Variants in AFF4 observed in about 807,000 individuals in gnomAD.
AFF4 encodes the protein AF4/FMR2 family member 4.
AFF4 carries 13 observed loss-of-function variants against 124.8 expected under a neutral mutation model. The observed-to-expected ratio is 0.10, with a 90% confidence interval of 0.07 to 0.17. AFF4 has a LOEUF of 0.17. AFF4 is among the 10% of genes least tolerant of loss of function. The pLI is 1.00. For missense variants in AFF4, 1,092 were observed against 1,403.8 expected (o/e 0.78, Z 3.55); for synonymous variants, 477 against 496.1 (o/e 0.96, Z 0.51).
chr5:132,891,722 T>G (rs1458354898), intron 13 of AFF4: 2 of 192,444 alleles, frequency 1.0e-5, no homozygotes, highest in Non-Finnish European at 2.1e-5. Flanking sequence ...ATACAACAAC[T>G]CAATCTTAGC....
intron 13 of AFF4, among the ~76,000 whole-genome samples, chr5:132,889,398 T>G (rs147676319): frequency 1.3e-3 from 204 of 152,192 alleles, no homozygotes; most frequent in African/African-American, 4.3e-3. Flanking sequence ...TATAAGGGTC[T>G]ACTATATGCC....
intron 7 of AFF4, among the ~76,000 whole-genome samples, chr5:132,902,237 G>A (rs1407594827): frequency 6.6e-6 from 1 of 151,920 alleles, no homozygotes; most frequent in Non-Finnish European, 1.5e-5. Flanking sequence ...TAGTAGAGAA[G>A]GGGTTTCACC....
At chr5:132,910,278 T>G (rs1009107783) in intron 5 of AFF4, among the ~76,000 whole-genome samples, 1 of 152,224 alleles carries the variant, frequency 6.6e-6, no homozygotes, top group Non-Finnish European at 1.5e-5. Flanking sequence ...ATGAATATAC[T>G]AAACCAGCTC....
Position 132,880,943 on chromosome 5 carries a change from A to T in AFF4, c.*116T>A. ...AAAAACAACAACACATGAACCAACG[A>T]GGAGAAAACTATTCCTCATTCTTAG... On this transcript the variant is annotated 3_prime_UTR_variant, in exon 21 of 21. Coordinates refer to ENST00000265343, the MANE Select transcript of AFF4 (RefSeq NM_014423.4). 7.5e-7 allele frequency: 1 copy of T among 1,341,760 alleles called. No homozygotes were observed. The highest frequency in any genetic ancestry group is 1.5e-5 in the South Asian group (1 of 65,420). 83.1% of individuals were successfully genotyped at this position (1,341,760 alleles called of 1,614,324 possible).
At chr5:132,954,544 C>CTTT (rs1761910983) in intron 1 of AFF4, among the ~76,000 whole-genome samples, 1 of 126,638 alleles carries the variant, frequency 7.9e-6, no homozygotes, top group East Asian at 2.5e-4. Context: ...ACAAACAATG[C>CTTT]TCTTTTTTTT....
intron 5 of AFF4, among the ~76,000 whole-genome samples, chr5:132,923,196 T>G (rs1286406424): frequency 6.6e-6 from 1 of 150,636 alleles, no homozygotes; most frequent in Non-Finnish European, 1.5e-5. Context: ...TAATAATTTT[T>G]TAAAGTCAGC....
chr5:132,916,238 CAAAAAAAAA>C (rs70974061), intron 5 of AFF4, among the ~76,000 whole-genome samples: 7 of 50,686 alleles, frequency 1.4e-4, no homozygotes, highest in Admixed American at 1.0e-3. Flanking sequence ...GATGCTGTCT[CAAAAAAAAA>C]AAAAAAAAAA....
In AFF4 at chr5:132,957,019, C is replaced by CAAA. The variant is rs1180577709; in HGVS notation, c.-5+6237_-5+6239dup. Among the ~76,000 whole-genome samples, 228 of 40,776 alleles carry CAAA rather than the reference C, an allele frequency of 5.6e-3. 23 individuals are homozygous for CAAA. The highest frequency in any genetic ancestry group is 0.015 in the South Asian group (8 of 524). The allele number at this position is 40,776 out of a possible 152,430, so 26.8% of individuals were successfully genotyped here. On this transcript the variant is annotated intron_variant, in intron 1 of 20. Coordinates refer to ENST00000265343, the MANE Select transcript of AFF4 (RefSeq NM_014423.4). ...TGGGTGACAGTGTGAGACTTCGTCTCAAAAAAAAAAAAAAAAAAAAAAAAA... is the reference window on the plus strand; with the variant it reads ...TGGGTGACAGTGTGAGACTTCGTCTCAAAAAAAAAAAAAAAAAAAAAAAAAAAA...
intron 5 of AFF4, among the ~76,000 whole-genome samples, chr5:132,922,757 C>T (rs1390256148): frequency 3.9e-5 from 5 of 128,332 alleles, no homozygotes; most frequent in South Asian, 2.6e-4. Flanking sequence ...TCCAGTCTGG[C>T]GGTAGAGCGA....
At chr5:132,931,857 T>C (rs548150619) in intron 4 of AFF4, among the ~76,000 whole-genome samples, 2 of 152,176 alleles carry the variant, frequency 1.3e-5, no homozygotes, top group East Asian at 3.9e-4. Flanking sequence ...GGTTAAAGAA[T>C]TGCTTGAACC....
chr5:132,925,660 G>C (rs1761154054), intron 5 of AFF4, among the ~76,000 whole-genome samples: 1 of 152,120 alleles, frequency 6.6e-6, no homozygotes, highest in Non-Finnish European at 1.5e-5. Flanking sequence ...AAACCAAATG[G>C]ATAACAAATA....
At chr5:132,899,171 G>A in intron 8 of AFF4, 30 bp from the exon 9 acceptor site, 1 of 1,595,344 alleles carries the variant, frequency 6.3e-7, no homozygotes, top group Non-Finnish European at 8.6e-7. Context: ...AAGAATCTGT[G>A]AATGAATAAA....
At chr5:132,904,043 C>T in intron 6 of AFF4, 1 of 194,520 alleles carries the variant, frequency 5.1e-6, no homozygotes, top group Non-Finnish European at 1.1e-5. Flanking sequence ...ATCACTTGAG[C>T]TCAGGAGTTC....
In AFF4 at chr5:132,879,443, G is replaced by A. The variant is rs933487632; in HGVS notation, c.*1616C>T. Reference sequence around the variant, plus strand: ...TTTTTCAAAGCAGCATTACCCAACTGGTTAGACTAAGTCATGTACCAAAGC... The same window carrying A: ...TTTTTCAAAGCAGCATTACCCAACTAGTTAGACTAAGTCATGTACCAAAGC... On this transcript the variant is annotated 3_prime_UTR_variant, in exon 21 of 21. Transcript: ENST00000265343. 1 of 204,374 alleles carries A rather than the reference G, an allele frequency of 4.9e-6. No individual in the cohort carries two copies. The highest frequency in any genetic ancestry group is 2.3e-5 in the African/African-American group (1 of 43,778). The allele number at this position is 204,374 out of a possible 1,614,324, so 12.7% of individuals were successfully genotyped here. A position where few individuals can be genotyped will look rare whatever the true frequency, so the allele number is the denominator to read the frequency against.
chr5:132,913,397 A>C (rs1760837946), intron 5 of AFF4, among the ~76,000 whole-genome samples: 1 of 152,246 alleles, frequency 6.6e-6, no homozygotes, highest in East Asian at 1.9e-4. Context: ...GATTAGTATA[A>C]CACTATAAGC....
chr5:132,934,366 G>A lies in AFF4; in HGVS notation c.699C>T (p.His233=), dbSNP rs1412346394. 1.2e-6 allele frequency: 2 copies of A among 1,614,034 alleles called. No individual in the cohort carries two copies. Among genetic ancestry groups the A allele is most frequent in the African/African-American group, 1.3e-5 (1 of 74,902 alleles). The change falls in exon 3 of 21, where the codon CAC becomes CAT. Residue 233 remains histidine (H), a synonymous_variant. Coordinates refer to ENST00000265343, the MANE Select transcript of AFF4 (RefSeq NM_014423.4). ...ATGAGGGTGGGAAAGATTGAGTTGA[G>A]TGCTGCCCACTTGAAAAAGGTACAC... ...PSRVPFSSGQ[H]STQSFPPSLM... is the part of the protein sequence containing the mutation.
chr5:132,877,773 TTC>T lies in AFF4; in HGVS notation c.*3284_*3285del, dbSNP rs1759875591. ...CATTCATGAAGAAATGTACCAACGTTTCTGTCATTAAATACAAAATTATGCTG... is the reference window on the plus strand; with the variant it reads ...CATTCATGAAGAAATGTACCAACGTTTGTCATTAAATACAAAATTATGCTG... On this transcript the variant is annotated 3_prime_UTR_variant, in exon 21 of 21. Transcript: ENST00000265343. 4.7e-6 allele frequency: 1 copy of T among 212,426 alleles called. No individual in the cohort carries two copies. 13.2% of individuals were successfully genotyped at this position (212,426 alleles called of 1,614,324 possible).
chr5:132,884,414 G>A (rs979911084), intron 19 of AFF4, among the ~76,000 whole-genome samples: 26 of 152,016 alleles, frequency 1.7e-4, no homozygotes, highest in African/African-American at 6.3e-4. Context: ...GCTAATTTTT[G>A]TATTTTTAGC....
In AFF4 at chr5:132,896,422, C is replaced by T. The variant is rs368821964; in HGVS notation, c.2208G>A (p.Pro736=). 14 of 1,614,142 alleles carry T rather than the reference C, an allele frequency of 8.7e-6. No homozygotes were observed. Among genetic ancestry groups the T allele is most frequent in the African/African-American group, 4.0e-5 (3 of 75,030 alleles). The part of the protein sequence containing the change: ...IPGKPYKETE[P]PKGEKKNVPE... ...GCACATTTTTCTTTTCCCCCTTGGG[C>T]GGCTCTGTTTCTTTGTAAGGCTTTC... Residue 736 remains proline (P), a synonymous_variant, in exon 11 of 21, where the codon CCG becomes CCA. Coordinates refer to ENST00000265343, the MANE Select transcript of AFF4 (RefSeq NM_014423.4).
Sources: gnomAD v4.1 joint callset for allele counts (sites outside exome capture counted in the v4.1 genomes callset) on GRCh38, gnomAD v4.1.1 for gene constraint, MANE v1.5 for transcripts, NCBI Gene and HGNC (gene_info 2026-07-23, HGNC 2026-07-21) for gene names.